APBB1IP: variants seen among roughly 807,000 people sequenced by gnomAD.
The protein encoded by APBB1IP is amyloid beta precursor protein binding family B member 1 interacting protein.
APBB1IP carries 27 observed loss-of-function variants against 64.9 expected under a neutral mutation model. The observed-to-expected ratio is 0.42, with a 90% confidence interval of 0.31 to 0.57. The LOEUF (loss-of-function observed/expected upper bound fraction) is 0.57, where lower values mean the gene tolerates loss of function less well. Among genes scored for constraint, APBB1IP ranks in the 20% least tolerant of loss-of-function variants. The pLI is 0.20. For missense variants in APBB1IP, 812 were observed against 845.5 expected (o/e 0.96, Z 0.49); for synonymous variants, 392 against 331.0 (o/e 1.18, Z -2.00).
intron 2 of APBB1IP, among the ~76,000 whole-genome samples, chr10:26,490,140 T>C (rs1410675422): frequency 6.6e-6 from 1 of 152,184 alleles, no homozygotes; most frequent in African/African-American, 2.4e-5. Flanking sequence ...ATACCCTGAT[T>C]AGCTATAGCT....
Position 26,516,543 on chromosome 10 carries a change from C to CAAAA in APBB1IP, c.813+2898_813+2901dup, listed in dbSNP as rs71401901. On this transcript the variant is annotated intron_variant, in intron 8 of 14. Coordinates refer to ENST00000376236, the MANE Select transcript of APBB1IP (RefSeq NM_019043.4). ...TGGGTGACAGAGCAAGACTCCATCT[C>CAAAA]AAAAAAAAAAAAAAAAAAGTAAAGC... Among the ~76,000 whole-genome samples, 48 of 47,204 alleles carry CAAAA rather than the reference C, an allele frequency of 1.0e-3. 3 individuals are homozygous for CAAAA. The highest frequency in any genetic ancestry group is 1.2e-3 in the African/African-American group (10 of 8,144). The allele number at this position is 47,204 out of a possible 152,430, so 31.0% of individuals were successfully genotyped here. A position where few individuals can be genotyped will look rare whatever the true frequency, so the allele number is the denominator to read the frequency against.
intron 6 of APBB1IP, among the ~76,000 whole-genome samples, chr10:26,509,205 G>C (rs940153274): frequency 6.6e-6 from 1 of 152,128 alleles, no homozygotes; most frequent in Non-Finnish European, 1.5e-5. Context: ...ACCATTTATA[G>C]TTGGGCCTAC....
In APBB1IP at chr10:26,498,500, C is replaced by T. The variant is rs563075036; in HGVS notation, c.160+2109C>T. Reference sequence around the variant, plus strand: ...CTTCAGCCTGGATGACAGAGCAAGACTCTGTCAAATAAATAAATAAATGCT... The same window carrying T: ...CTTCAGCCTGGATGACAGAGCAAGATTCTGTCAAATAAATAAATAAATGCT... On this transcript the variant is annotated intron_variant, in intron 4 of 14. Coordinates refer to ENST00000376236, the MANE Select transcript of APBB1IP (RefSeq NM_019043.4). Among the ~76,000 whole-genome samples the T allele has an allele frequency of 7.9e-5, 12 of 152,130 alleles. No homozygotes were observed. The South Asian group carries it at 2.1e-3, about 26-fold the overall frequency.
chr10:26,476,779 T>G (rs1178266169), intron 2 of APBB1IP, among the ~76,000 whole-genome samples: 2 of 152,098 alleles, frequency 1.3e-5, no homozygotes, highest in Admixed American at 1.3e-4. Flanking sequence ...CCCAACAATG[T>G]CCACTTTTCT....
intron 11 of APBB1IP, among the ~76,000 whole-genome samples, chr10:26,543,958 C>G (rs191023360): frequency 6.6e-6 from 1 of 152,296 alleles, no homozygotes; most frequent in East Asian, 1.9e-4. Context: ...TTGTCTGTTC[C>G]TGATATAGGA....
intron 2 of APBB1IP, among the ~76,000 whole-genome samples, chr10:26,472,725 T>C (rs1273740024): frequency 1.3e-5 from 2 of 152,088 alleles, no homozygotes; most frequent in Non-Finnish European, 2.9e-5. Context: ...TCACCTGAAG[T>C]CAGGAGTTCG....
At chr10:26,496,498 G>T in intron 4 of APBB1IP, 107 bp downstream of exon 4, 2 of 838,730 alleles carry the variant, frequency 2.4e-6, no homozygotes. Flanking sequence ...TAAACATCAT[G>T]ATAAATATTG....
At chr10:26,450,038 C>T (rs1462392740) in intron 2 of APBB1IP, among the ~76,000 whole-genome samples, 1 of 152,030 alleles carries the variant, frequency 6.6e-6, no homozygotes, top group African/African-American at 2.4e-5. Context: ...CAGCAACATC[C>T]TGTCAGAAAT....
At chr10:26,533,290 G>A (rs1836577162) in intron 8 of APBB1IP, 149 bp from the exon 9 acceptor site, 1 of 445,656 alleles carries the variant, frequency 2.2e-6, no homozygotes, top group Non-Finnish European at 4.0e-6. Flanking sequence ...CATTTGGGAA[G>A]GCTCTGATGG....
At chr10:26,453,106 G>C (rs1835483131) in intron 2 of APBB1IP, among the ~76,000 whole-genome samples, 1 of 152,178 alleles carries the variant, frequency 6.6e-6, no homozygotes, top group African/African-American at 2.4e-5. Flanking sequence ...TGGCTGAAGA[G>C]ATTAAAAAAT....
At chr10:26,466,187 G>C (rs1434824331) in intron 2 of APBB1IP, among the ~76,000 whole-genome samples, 1 of 152,196 alleles carries the variant, frequency 6.6e-6, no homozygotes, top group Non-Finnish European at 1.5e-5. Flanking sequence ...GCCCCTCCGG[G>C]TGTCCTGGGC....
intron 11 of APBB1IP, among the ~76,000 whole-genome samples, chr10:26,553,806 C>T (rs1836861894): frequency 6.6e-6 from 1 of 152,146 alleles, no homozygotes; most frequent in African/African-American, 2.4e-5. Flanking sequence ...ATTAAGATTT[C>T]CAAAGAATAG....
At chr10:26,530,153 T>C (rs1311420029) in intron 8 of APBB1IP, among the ~76,000 whole-genome samples, 1 of 152,198 alleles carries the variant, frequency 6.6e-6, no homozygotes, top group East Asian at 1.9e-4. Context: ...AAGTGTACCC[T>C]TCTGTGGTAT....
chr10:26,554,906 A>G (rs768502206), intron 11 of APBB1IP, among the ~76,000 whole-genome samples: 8 of 152,196 alleles, frequency 5.3e-5, no homozygotes, highest in South Asian at 2.1e-4. Flanking sequence ...TTGGATTTAG[A>G]GCCCACTTTC....
chr10:26,526,534 C>T (rs1836476274), intron 8 of APBB1IP, among the ~76,000 whole-genome samples: 1 of 152,112 alleles, frequency 6.6e-6, no homozygotes, highest in Admixed American at 6.5e-5. Flanking sequence ...TCCTGGCCAA[C>T]ATGGTGAAAC....
chr10:26,446,875 G>T (rs61838426), intron 2 of APBB1IP, among the ~76,000 whole-genome samples: 18,985 of 151,330 alleles, frequency 0.13, 1,374 homozygotes, highest in East Asian at 0.18. Flanking sequence ...GATAGATAGA[G>T]AGAGAGATAG....
intron 2 of APBB1IP, among the ~76,000 whole-genome samples, chr10:26,443,791 G>A (rs1354354219): frequency 6.6e-6 from 1 of 152,064 alleles, no homozygotes; most frequent in Non-Finnish European, 1.5e-5. Context: ...TCCACCTCGG[G>A]CTCTCAAAGT....
At chr10:26,466,320 C>T (rs1835647826) in intron 2 of APBB1IP, among the ~76,000 whole-genome samples, 1 of 152,138 alleles carries the variant, frequency 6.6e-6, no homozygotes. Flanking sequence ...TCCACCACAG[C>T]CATCACAAGG....
intron 11 of APBB1IP, among the ~76,000 whole-genome samples, chr10:26,557,212 A>C (rs1252719985): frequency 6.6e-6 from 1 of 152,210 alleles, no homozygotes; most frequent in Non-Finnish European, 1.5e-5. Flanking sequence ...TAAGCATTGA[A>C]CCGCCAAAAC....
Sources: allele counts gnomAD v4.1 joint callset (sites outside exome capture counted in the v4.1 genomes callset), GRCh38; gene constraint gnomAD v4.1.1; transcripts MANE v1.5; gene names NCBI Gene and HGNC (gene_info 2026-07-23, HGNC 2026-07-21).